Variants in PRR16 observed in about 807,000 individuals in gnomAD.
PRR16 encodes the protein protein Largen.
Under a neutral mutation model 18.2 loss-of-function variants are expected in PRR16, and 6 were observed. The ratio of observed to expected loss-of-function variants is 0.33; its 90% CI spans 0.18 to 0.65. PRR16 has a LOEUF of 0.65. Ranked by LOEUF, PRR16 falls within the 30% of genes least tolerant of loss-of-function variation. The pLI is 0.74. For synonymous variants in PRR16, 151 were observed against 147.8 expected (o/e 1.02, Z -0.16); for missense variants, 412 against 376.6 (o/e 1.09, Z -0.78).
the PRR16 span, among the ~76,000 whole-genome samples, chr5:120,763,796 TTTTATTTA>T: frequency 6.6e-6 from 1 of 152,074 alleles, no homozygotes; most frequent in African/African-American, 2.4e-5. Flanking sequence ...TTCCTAGGTG[TTTTATTTA>T]TTTATTTTTG....
At chr5:120,512,403 C>T (rs1750857597) in intron 1 of PRR16, among the ~76,000 whole-genome samples, 1 of 152,102 alleles carries the variant, frequency 6.6e-6, no homozygotes, top group Admixed American at 6.5e-5. Flanking sequence ...GCAGTTCTCA[C>T]TCTTGCTCTG....
chr5:120,630,997 G>A (rs1422878138), intron 1 of PRR16, among the ~76,000 whole-genome samples: 2 of 152,010 alleles, frequency 1.3e-5, no homozygotes, highest in African/African-American at 2.4e-5. Flanking sequence ...AAATATTGAG[G>A]ACCAATATCA....
At chr5:120,737,779 T>C in the PRR16 span, among the ~76,000 whole-genome samples, 1 of 152,084 alleles carries the variant, frequency 6.6e-6, no homozygotes, top group Non-Finnish European at 1.5e-5. Context: ...TTTAGATTGC[T>C]GATTCAATCA....
the PRR16 span, among the ~76,000 whole-genome samples, chr5:120,706,151 C>T: frequency 6.6e-6 from 1 of 152,056 alleles, no homozygotes; most frequent in South Asian, 2.1e-4. Flanking sequence ...CAATTTTATT[C>T]TTTTGTGCTC....
chr5:120,484,041 C>T (rs1041309526), intron 1 of PRR16, among the ~76,000 whole-genome samples: 1 of 151,934 alleles, frequency 6.6e-6, no homozygotes, highest in African/African-American at 2.4e-5. Flanking sequence ...TGCATACTGT[C>T]AGAGGTATGA....
At chr5:120,675,371 G>A (rs116389270) in intron 1 of PRR16, among the ~76,000 whole-genome samples, 4 of 152,142 alleles carry the variant, frequency 2.6e-5, no homozygotes, top group Admixed American at 6.6e-5. Flanking sequence ...GTTGCCAATC[G>A]TGTTGTATGT....
intron 1 of PRR16, among the ~76,000 whole-genome samples, chr5:120,560,229 G>A (rs1008423695): frequency 6.6e-6 from 1 of 151,876 alleles, no homozygotes; most frequent in Non-Finnish European, 1.5e-5. Context: ...TTAGAGGAAA[G>A]GCTTTCAGTT....
intron 1 of PRR16, among the ~76,000 whole-genome samples, chr5:120,506,604 A>G (rs1320055472): frequency 6.6e-6 from 1 of 152,066 alleles, no homozygotes; most frequent in Non-Finnish European, 1.5e-5. Flanking sequence ...TTTGATTTGC[A>G]TTACTCTGGG....
chr5:120,740,073 T>G, the PRR16 span, among the ~76,000 whole-genome samples: 1 of 152,178 alleles, frequency 6.6e-6, no homozygotes, highest in Non-Finnish European at 1.5e-5. Flanking sequence ...GCTAGATGAA[T>G]GACACACTAA....
intron 1 of PRR16, among the ~76,000 whole-genome samples, chr5:120,665,326 T>G (rs574995400): frequency 1.5e-3 from 233 of 152,124 alleles, no homozygotes; most frequent in Non-Finnish European, 2.7e-3. Context: ...CTTGTAAATT[T>G]GTTTGAGTTC....
At chr5:120,737,423 G>C in the PRR16 span, among the ~76,000 whole-genome samples, 1 of 148,396 alleles carries the variant, frequency 6.7e-6, no homozygotes, top group Admixed American at 6.9e-5. Flanking sequence ...TGTTAATGTG[G>C]TGCGTTACCT....
At chr5:120,740,941 T>A in the PRR16 span, among the ~76,000 whole-genome samples, 6 of 152,078 alleles carry the variant, frequency 3.9e-5, no homozygotes, top group Non-Finnish European at 7.4e-5. Flanking sequence ...TAGATCTTTT[T>A]AACAAAAATT....
downstream of PRR16, among the ~76,000 whole-genome samples, chr5:120,690,497 C>A (rs1476098113): frequency 1.3e-5 from 2 of 152,106 alleles, no homozygotes; most frequent in African/African-American, 4.8e-5. Flanking sequence ...TTGTAATGTA[C>A]TTTGATAAAA....
intron 1 of PRR16, among the ~76,000 whole-genome samples, chr5:120,491,397 A>G (rs1244074552): frequency 6.6e-6 from 1 of 150,678 alleles, no homozygotes; most frequent in Non-Finnish European, 1.5e-5. Flanking sequence ...TAACTTAGGT[A>G]CAAGATCTAA....
At chr5:120,559,779 TG>T (rs1368475013) in intron 1 of PRR16, among the ~76,000 whole-genome samples, 20 of 152,120 alleles carry the variant, frequency 1.3e-4, no homozygotes, top group African/African-American at 4.8e-4. Flanking sequence ...ATTCTTCCAA[TG>T]CATGGAGCAT....
chr5:120,750,960 C>A, the PRR16 span, among the ~76,000 whole-genome samples: 1 of 152,142 alleles, frequency 6.6e-6, no homozygotes, highest in African/African-American at 2.4e-5. Flanking sequence ...ATTTTCCAGC[C>A]ACTGGTAACC....
intron 1 of PRR16, among the ~76,000 whole-genome samples, chr5:120,499,274 T>C (rs894454524): frequency 5.9e-5 from 9 of 152,120 alleles, no homozygotes; most frequent in African/African-American, 1.9e-4. Flanking sequence ...CACGCCTGGC[T>C]AATTTTTTGT....
At chr5:120,788,243 G>A in the PRR16 span, among the ~76,000 whole-genome samples, 2 of 151,746 alleles carry the variant, frequency 1.3e-5, no homozygotes. Context: ...TGTATCCATG[G>A]ACTCTAGAGT....
At chr5:120,585,801 A>G (rs1387939292) in intron 1 of PRR16, among the ~76,000 whole-genome samples, 2 of 152,112 alleles carry the variant, frequency 1.3e-5, no homozygotes, top group Non-Finnish European at 2.9e-5. Context: ...ATTTCCTGAA[A>G]TGAAATGAAG....
Sources: gnomAD v4.1 joint callset for allele counts (sites outside exome capture counted in the v4.1 genomes callset) on GRCh38, gnomAD v4.1.1 for gene constraint, MANE v1.5 for transcripts, NCBI Gene and HGNC (gene_info 2026-07-23, HGNC 2026-07-21) for gene names.